Variants in LAMA2 observed in about 807,000 individuals in gnomAD.
The protein encoded by LAMA2 is laminin subunit alpha 2.
In LAMA2, 269 loss-of-function variants were observed where a neutral mutation model predicts 364.8. The ratio of observed to expected loss-of-function variants is 0.74; its 90% CI spans 0.67 to 0.82. The LOEUF (loss-of-function observed/expected upper bound fraction) is 0.82. Among genes scored for constraint, LAMA2 ranks in the 40% least tolerant of loss-of-function variants. The pLI, the probability that LAMA2 is intolerant of heterozygous loss-of-function variation, is 0.00. For synonymous variants in LAMA2, 1,379 were observed against 1,370.6 expected, an observed-to-expected ratio of 1.01 and a Z score of -0.14; for missense variants, 3,807 against 3,873.2, an observed-to-expected ratio of 0.98 and a Z score of 0.45.
intron 16 of LAMA2, among the ~76,000 whole-genome samples, chr6:129,269,129 T>G (rs1787737603): frequency 6.6e-6 from 1 of 152,092 alleles, no homozygotes; most frequent in Non-Finnish European, 1.5e-5. Flanking sequence ...GAAAAATATT[T>G]TTGGCACCAG....
At position 129,379,079 on chromosome 6, in the gene LAMA2, C is replaced by T. The variant is rs1222194056; in HGVS notation, c.4960-4043C>T. Among the ~76,000 whole-genome samples, 3 of 152,270 alleles carry T rather than the reference C, an allele frequency of 2.0e-5. No homozygotes were observed. The East Asian group carries it at 5.8e-4, about 29-fold the overall frequency. On this transcript the variant is annotated intron_variant, in intron 34 of 64. Coordinates refer to ENST00000421865, the MANE Select transcript of LAMA2 (RefSeq NM_000426.4). ...CAGGGACATGGATGGAGCTGGAGGACATTACCCTTAGCAAACTAACACAGG... is the reference window on the plus strand; with the variant it reads ...CAGGGACATGGATGGAGCTGGAGGATATTACCCTTAGCAAACTAACACAGG...
At chr6:129,144,432 A>T (rs1038711363) in intron 5 of LAMA2, among the ~76,000 whole-genome samples, 1 of 151,966 alleles carries the variant, frequency 6.6e-6, no homozygotes, top group Non-Finnish European at 1.5e-5. Flanking sequence ...TACTATTATA[A>T]TTGGCTTTGG....
intron 44 of LAMA2, among the ~76,000 whole-genome samples, chr6:129,445,241 C>G (rs1204181080): frequency 6.6e-6 from 1 of 152,070 alleles, no homozygotes; most frequent in Non-Finnish European, 1.5e-5. Flanking sequence ...GAAAGAAAAC[C>G]AATTTTGTGT....
intron 12 of LAMA2, among the ~76,000 whole-genome samples, chr6:129,219,269 A>G (rs1028591523): frequency 6.6e-6 from 1 of 152,212 alleles, no homozygotes; most frequent in Non-Finnish European, 1.5e-5. Context: ...AATCAAAACC[A>G]CAATGAGATA....
Position 128,961,357 on chromosome 6 carries a change from ATATATATATATT to A in LAMA2, c.112+78001_112+78012del, listed in dbSNP as rs1317288468. Among the ~76,000 whole-genome samples the A allele has an allele frequency of 1.9e-4, 15 of 79,606 alleles. 1 individual carries two copies. Among genetic ancestry groups the A allele is most frequent in the African/African-American group, 7.2e-4 (14 of 19,556 alleles). 52.2% of individuals were successfully genotyped at this position (79,606 alleles called of 152,430 possible). A position where few individuals can be genotyped will look rare whatever the true frequency, so the allele number is the denominator to read the frequency against. On this transcript the variant is annotated intron_variant, in intron 1 of 64. Transcript: ENST00000421865. Reference sequence around the variant, plus strand: ...TATATATATATATATATATATATATATATATATATATTAGTTTATTAAGTATTAACTTATACG... The same window carrying A: ...TATATATATATATATATATATATATAAGTTTATTAAGTATTAACTTATACG...
At chr6:129,156,527 T>C (rs1779125658) in intron 8 of LAMA2, among the ~76,000 whole-genome samples, 1 of 152,028 alleles carries the variant, frequency 6.6e-6, no homozygotes, top group Admixed American at 6.6e-5. Context: ...TAATTTCTTT[T>C]TTTTTTTTTA....
chr6:129,460,419 G>A, intron 49 of LAMA2, 95 bp downstream of exon 49: 6 of 1,289,460 alleles, frequency 4.7e-6, no homozygotes, highest in South Asian at 3.6e-5. Context: ...TGGATGATGT[G>A]GAGCAGGTTT....
chr6:129,372,988 G>T (rs1334931281), intron 34 of LAMA2, among the ~76,000 whole-genome samples: 1 of 151,980 alleles, frequency 6.6e-6, no homozygotes, highest in East Asian at 1.9e-4. Flanking sequence ...TTTTTCATTG[G>T]GTTGTTTTCT....
intron 12 of LAMA2, among the ~76,000 whole-genome samples, chr6:129,242,110 C>T (rs769999664): frequency 2.6e-5 from 4 of 152,070 alleles, no homozygotes; most frequent in African/African-American, 4.8e-5. Context: ...GGAAGGTGTA[C>T]GTAAGCAATG....
Position 129,114,377 on chromosome 6 carries a change from C to T in LAMA2, c.639+15962C>T, listed in dbSNP as rs79275522. ...CTGCAGAAATGAGTAAACAAGTCATCTTATTAGAAGACTGCAAGGTTAAAG... is the reference window on the plus strand; with the variant it reads ...CTGCAGAAATGAGTAAACAAGTCATTTTATTAGAAGACTGCAAGGTTAAAG... On this transcript the variant is annotated intron_variant, in intron 4 of 64. Coordinates refer to ENST00000421865, the MANE Select transcript of LAMA2 (RefSeq NM_000426.4). Among the ~76,000 whole-genome samples the T allele has an allele frequency of 8.9e-3, 1,355 of 152,104 alleles. 14 individuals are homozygous for T. The highest frequency in any genetic ancestry group is 0.014 in the Non-Finnish European group (971 of 67,924).
intron 1 of LAMA2, among the ~76,000 whole-genome samples, chr6:129,007,058 T>A (rs1784488907): frequency 6.6e-6 from 1 of 152,182 alleles, no homozygotes; most frequent in Admixed American, 6.6e-5. Flanking sequence ...TATCATACAG[T>A]GTTTCCACTG....
chr6:129,235,153 AG>A (rs1202522866), intron 12 of LAMA2, among the ~76,000 whole-genome samples: 1 of 152,192 alleles, frequency 6.6e-6, no homozygotes, highest in Non-Finnish European at 1.5e-5. Context: ...GGAAACTTCC[AG>A]GGGCCAAGGG....
chr6:128,992,385 CAA>C (rs1362714566), intron 1 of LAMA2, among the ~76,000 whole-genome samples: 1 of 152,138 alleles, frequency 6.6e-6, no homozygotes, highest in African/African-American at 2.4e-5. Flanking sequence ...TTTGTGATCT[CAA>C]GACTATCCCT....
chr6:128,926,919 G>GT (rs1488268770), intron 1 of LAMA2, among the ~76,000 whole-genome samples: 2 of 152,216 alleles, frequency 1.3e-5, no homozygotes, highest in African/African-American at 4.8e-5. Flanking sequence ...AGAGAATAAA[G>GT]TAGGTGTATG....
chr6:129,441,114 C>G, intron 43 of LAMA2, 116 bp downstream of exon 43: 1 of 899,762 alleles, frequency 1.1e-6, no homozygotes. Flanking sequence ...GTCTGCCTTC[C>G]TTCTTTCATA....
intron 8 of LAMA2, among the ~76,000 whole-genome samples, chr6:129,155,579 C>T (rs1299717079): frequency 6.6e-6 from 1 of 151,978 alleles, no homozygotes; most frequent in South Asian, 2.1e-4. Flanking sequence ...AGAGCTATTA[C>T]CCATATCAAG....
intron 8 of LAMA2, among the ~76,000 whole-genome samples, chr6:129,156,596 C>T (rs1779129750): frequency 6.6e-6 from 1 of 151,444 alleles, no homozygotes; most frequent in South Asian, 2.1e-4. Context: ...GTTATAGGCA[C>T]TTACATTGCT....
chr6:129,043,381 C>G (rs1036807911), intron 1 of LAMA2, among the ~76,000 whole-genome samples: 3 of 152,064 alleles, frequency 2.0e-5, no homozygotes, highest in South Asian at 4.1e-4. Context: ...ATCAAATGTA[C>G]TTATACTGTC....
intron 4 of LAMA2, among the ~76,000 whole-genome samples, chr6:129,099,133 T>TTG (rs1554217826): frequency 1.3e-5 from 2 of 149,658 alleles, no homozygotes; most frequent in African/African-American, 4.9e-5. Flanking sequence ...TTGTTTTTTT[T>TTG]TTTTTTGTTT....
Sources: gnomAD v4.1 joint callset for allele counts (sites outside exome capture counted in the v4.1 genomes callset) on GRCh38, gnomAD v4.1.1 for gene constraint, MANE v1.5 for transcripts, NCBI Gene and HGNC (gene_info 2026-07-23, HGNC 2026-07-21) for gene names.